Variants in MALRD1 observed in about 807,000 individuals in gnomAD.
The protein encoded by MALRD1 is MAM and LDL receptor class A domain containing 1, also known as MAM and LDL-receptor class A domain-containing protein 1.
MALRD1 carries 247 observed loss-of-function variants against 242.1 expected under a neutral mutation model. The ratio of observed to expected loss-of-function variants is 1.02; its 90% CI spans 0.92 to 1.13. The LOEUF (loss-of-function observed/expected upper bound fraction) is 1.13, where lower values mean the gene tolerates loss of function less well. Among genes scored for constraint, MALRD1 ranks in the 50% most tolerant of loss-of-function variants. The pLI is 0.00. For missense variants in MALRD1, 2,989 were observed against 2,533.1 expected, an observed-to-expected ratio of 1.18 and a Z score of -3.86; for synonymous variants, 995 against 866.6, an observed-to-expected ratio of 1.15 and a Z score of -2.60.
chr10:19,199,815 A>AATAAAATAAG (rs1308395401), intron 14 of MALRD1, among the ~76,000 whole-genome samples: 1 of 151,194 alleles, frequency 6.6e-6, no homozygotes, highest in Non-Finnish European at 1.5e-5. Flanking sequence ...TAAATAAATA[A>AATAAAATAAG]ATAAAATAAA....
At position 19,707,994 on chromosome 10, in the gene MALRD1, A is replaced by G. The variant is rs1165839716; in HGVS notation, c.6314+15440A>G. 7.6e-5 allele frequency among the ~76,000 whole-genome samples: 9 copies of G among 118,658 alleles called. 3 individuals are homozygous for G. Among genetic ancestry groups the G allele is most frequent in the Non-Finnish European group, 1.5e-4 (8 of 52,386 alleles). 77.8% of individuals were successfully genotyped at this position (118,658 alleles called of 152,430 possible). A position where few individuals can be genotyped will look rare whatever the true frequency, so the allele number is the denominator to read the frequency against. On this transcript the variant is annotated intron_variant, in intron 38 of 39. Coordinates refer to ENST00000454679, the MANE Select transcript of MALRD1 (RefSeq NM_001142308.3). ...TATTATTTTTCATTATACCTTTAATATAAAATTTAATTATAAAATTAAATT... is the reference window on the plus strand; with the variant it reads ...TATTATTTTTCATTATACCTTTAATGTAAAATTTAATTATAAAATTAAATT...
chr10:19,094,148 T>C lies in MALRD1; in HGVS notation c.597+5963T>C, dbSNP rs12220257. On this transcript the variant is annotated intron_variant, in intron 4 of 39. Coordinates refer to ENST00000454679, the MANE Select transcript of MALRD1 (RefSeq NM_001142308.3). ...GTTGGAGCTTCCCGGCTGCTTTGTT[T>C]ACCTAAGCAAGCCTGGGCAATGGCG... 6.3e-3 allele frequency among the ~76,000 whole-genome samples: 689 copies of C among 108,952 alleles called. 83 individuals are homozygous for C. The East Asian group carries it at 0.11, about 17-fold the overall frequency. 71.5% of individuals were successfully genotyped at this position (108,952 alleles called of 152,430 possible).
intron 32 of MALRD1, among the ~76,000 whole-genome samples, chr10:19,536,847 G>A (rs1407316525): frequency 2.0e-5 from 3 of 152,116 alleles, no homozygotes; most frequent in Non-Finnish European, 4.4e-5. Flanking sequence ...TTGTCATACA[G>A]CACTGGAGCA....
intron 28 of MALRD1, among the ~76,000 whole-genome samples, chr10:19,405,712 C>T (rs1847066460): frequency 6.6e-6 from 1 of 152,154 alleles, no homozygotes; most frequent in African/African-American, 2.4e-5. Context: ...CATAGATTCT[C>T]TCCATACACA....
intron 18 of MALRD1, among the ~76,000 whole-genome samples, chr10:19,221,433 C>T (rs1326517147): frequency 1.3e-5 from 2 of 152,174 alleles, no homozygotes; most frequent in East Asian, 1.9e-4. Flanking sequence ...GAGCAACACT[C>T]AGATTTGTTG....
intron 5 of MALRD1, among the ~76,000 whole-genome samples, chr10:19,115,868 C>A (rs551242664): frequency 2.0e-5 from 3 of 151,952 alleles, no homozygotes; most frequent in South Asian, 2.1e-4. Flanking sequence ...AGGGTGAGAT[C>A]CCATCTCAAA....
chr10:19,211,684 C>CAAAAAA (rs71387056), intron 18 of MALRD1, among the ~76,000 whole-genome samples: 57 of 67,354 alleles, frequency 8.5e-4, no homozygotes, highest in African/African-American at 1.1e-3. Flanking sequence ...TGACTCCTCA[C>CAAAAAA]AAAAAAAAAA....
intron 31 of MALRD1, among the ~76,000 whole-genome samples, chr10:19,512,569 T>C (rs1833452519): frequency 6.6e-6 from 1 of 152,220 alleles, no homozygotes; most frequent in Admixed American, 6.5e-5. Context: ...TAATAACCTC[T>C]TAGTTACTGT....
chr10:19,537,278 T>A (rs943263485), intron 32 of MALRD1, among the ~76,000 whole-genome samples: 1 of 152,104 alleles, frequency 6.6e-6, no homozygotes, highest in African/African-American at 2.4e-5. Flanking sequence ...ATCTGGTGGG[T>A]AGGAGGAGGC....
chr10:19,462,710 C>A (rs946316655), intron 29 of MALRD1, among the ~76,000 whole-genome samples: 2 of 152,150 alleles, frequency 1.3e-5, no homozygotes, highest in African/African-American at 2.4e-5. Flanking sequence ...GGATATTACA[C>A]AGATAAGTTG....
chr10:19,228,100 C>T (rs908361805), intron 18 of MALRD1, among the ~76,000 whole-genome samples: 1 of 151,666 alleles, frequency 6.6e-6, no homozygotes, highest in Non-Finnish European at 1.5e-5. Flanking sequence ...AATTCCACTG[C>T]GACTCAGAAT....
intron 14 of MALRD1, among the ~76,000 whole-genome samples, 193 bp downstream of exon 14, chr10:19,175,521 T>C (rs1457451550): frequency 2.7e-5 from 4 of 149,754 alleles, no homozygotes; most frequent in African/African-American, 4.9e-5. Flanking sequence ...CTTAGGCCTC[T>C]CTTCCAGTAA....
chr10:19,193,845 T>C (rs1054392778), intron 14 of MALRD1, among the ~76,000 whole-genome samples: 4 of 150,814 alleles, frequency 2.7e-5, no homozygotes, highest in African/African-American at 9.8e-5. Context: ...AAAAAAAATA[T>C]ATATATATAT....
At chr10:19,503,032 C>G (rs1444582942) in intron 31 of MALRD1, among the ~76,000 whole-genome samples, 1 of 152,034 alleles carries the variant, frequency 6.6e-6, no homozygotes, top group African/African-American at 2.4e-5. Context: ...ATGTTATATA[C>G]AAGCAATGTT....
chr10:19,628,251 C>A (rs1839760500), intron 36 of MALRD1, among the ~76,000 whole-genome samples: 1 of 152,042 alleles, frequency 6.6e-6, no homozygotes, highest in Non-Finnish European at 1.5e-5. Flanking sequence ...AATAAAGTGG[C>A]AATATTCATT....
intron 36 of MALRD1, among the ~76,000 whole-genome samples, chr10:19,689,650 T>C (rs533833064): frequency 6.6e-6 from 1 of 152,298 alleles, no homozygotes; most frequent in South Asian, 2.1e-4. Context: ...TATACAACGA[T>C]ATGAAAATAA....
chr10:19,535,077 C>T (rs7098515), intron 32 of MALRD1, among the ~76,000 whole-genome samples: 266 of 151,958 alleles, frequency 1.8e-3, no homozygotes, highest in African/African-American at 5.8e-3. Context: ...GTAGAGATGG[C>T]GTTTCACCAT....
intron 1 of MALRD1, among the ~76,000 whole-genome samples, chr10:19,066,351 G>T (rs574642617): frequency 6.6e-6 from 1 of 152,258 alleles, no homozygotes; most frequent in African/African-American, 2.4e-5. Context: ...CATAGCAATT[G>T]CTTGAGAGAC....
At chr10:19,610,719 C>G (rs1838855593) in intron 35 of MALRD1, among the ~76,000 whole-genome samples, 1 of 151,966 alleles carries the variant, frequency 6.6e-6, no homozygotes, top group African/African-American at 2.4e-5. Context: ...CATTTTTACT[C>G]TAACAGGCTT....
Sources: allele counts gnomAD v4.1 joint callset (sites outside exome capture counted in the v4.1 genomes callset), GRCh38; gene constraint gnomAD v4.1.1; transcripts MANE v1.5; gene names NCBI Gene and HGNC (gene_info 2026-07-23, HGNC 2026-07-21).